MEOX2: variants seen among roughly 807,000 people sequenced by gnomAD.
The protein encoded by MEOX2 is homeobox protein MOX-2.
In MEOX2, 11 loss-of-function variants were observed where a neutral mutation model predicts 27.0. The observed-to-expected ratio is 0.41, with a 90% CI of 0.26 to 0.68. MEOX2 has a LOEUF of 0.68. MEOX2 is among the 30% of genes least tolerant of loss of function. MEOX2 has a pLI of 0.33. For synonymous variants in MEOX2, 189 were observed against 155.4 expected (o/e 1.22, Z -1.61); for missense variants, 436 against 385.4 (o/e 1.13, Z -1.10).
Position 15,685,501 on chromosome 7 carries a change from G to A in MEOX2, c.517+385C>T, listed in dbSNP as rs150126054. 1.0e-3 allele frequency among the ~76,000 whole-genome samples: 154 copies of A among 152,298 alleles called. 1 individual carries two copies. In the East Asian group the frequency reaches 0.021, roughly 20 times the overall value. ...CGGCAACTTGCAAGAGAAAAGTCAA[G>A]AAGCGGCACCCGCACGCACGCCTGC... On this transcript the variant is annotated intron_variant, in intron 1 of 2. Transcript: ENST00000262041.
chr7:15,640,133 T>A (rs1781537548), intron 1 of MEOX2, among the ~76,000 whole-genome samples: 2 of 152,220 alleles, frequency 1.3e-5, no homozygotes, highest in African/African-American at 4.8e-5. Context: ...TCCATTTGTT[T>A]GTATTATCTA....
intron 1 of MEOX2, among the ~76,000 whole-genome samples, chr7:15,672,351 T>C (rs193177089): frequency 1.3e-5 from 2 of 152,280 alleles, no homozygotes; most frequent in South Asian, 2.1e-4. Flanking sequence ...ATAGCATAAC[T>C]GCACAGAATG....
intron 1 of MEOX2, among the ~76,000 whole-genome samples, chr7:15,627,397 A>G (rs1003700598): frequency 6.6e-6 from 1 of 152,128 alleles, no homozygotes; most frequent in Non-Finnish European, 1.5e-5. Flanking sequence ...GACTGAGCGT[A>G]TGTAAAAGTA....
At position 15,686,394 on chromosome 7, in the gene MEOX2, G is replaced by T; in HGVS notation, c.9C>A (p.His3Gln). Residue 3 changes from histidine (H) to glutamine (Q), a missense_variant, in exon 1 of 3, where the codon CAC becomes CAA. By Grantham distance (24) the His-to-Gln change is conservative. Coordinates refer to ENST00000262041, the MANE Select transcript of MEOX2 (RefSeq NM_005924.5). ME[H>Q]PLFGCLRSPH... ...GGCTGCGCAGGCAGCCAAAGAGCGG[G>T]TGTTCCATAGCATGCAAGTTTCGGG... The T allele has an allele frequency of 6.4e-7, 1 of 1,570,344 alleles. No individual in the cohort carries two copies. Among genetic ancestry groups the T allele is most frequent in the Non-Finnish European group, 8.6e-7 (1 of 1,157,042 alleles).
intron 1 of MEOX2, among the ~76,000 whole-genome samples, chr7:15,672,427 G>A (rs1156923743): frequency 6.6e-6 from 1 of 152,104 alleles, no homozygotes; most frequent in Non-Finnish European, 1.5e-5. Context: ...TAGAAAATTA[G>A]GCTTGACAGT....
At chr7:15,617,643 A>T (rs981742573) in intron 2 of MEOX2, among the ~76,000 whole-genome samples, 1 of 152,064 alleles carries the variant, frequency 6.6e-6, no homozygotes, top group African/African-American at 2.4e-5. Flanking sequence ...TGTTGTTTCT[A>T]CCACAATTAA....
At position 15,612,489 on chromosome 7, in the gene MEOX2, C is replaced by G. The variant is rs773932247; in HGVS notation, c.813G>C (p.Glu271Asp). Residue 271 changes from glutamate (E) to aspartate (D), a missense_variant, in exon 3 of 3, where the codon GAG (glutamate) becomes GAC (aspartate). Glu to Asp is a conservative substitution (Grantham distance 45, BLOSUM62 2). Coordinates refer to ENST00000262041, the MANE Select transcript of MEOX2 (RefSeq NM_005924.5). ...GGGTGGCTGCACCAATTCCCGACAG[C>G]TCTGATGGGAGAAGTGTTCCCTTTT... ...NVKKGTLLPS[E>D]LSGIGAATLQ... 6 of 1,614,028 alleles carry G rather than the reference C, an allele frequency of 3.7e-6. No individual in the cohort carries two copies. The highest frequency in any genetic ancestry group is 8.5e-7 in the Non-Finnish European group (1 of 1,180,016).
chr7:15,622,572 A>G (rs940540987), intron 2 of MEOX2, among the ~76,000 whole-genome samples: 9 of 152,194 alleles, frequency 5.9e-5, no homozygotes, highest in African/African-American at 2.2e-4. Flanking sequence ...TGAAAAAAAT[A>G]AGTCTTAAAG....
In MEOX2 at chr7:15,611,375, T is replaced by C. The variant is rs755444560; in HGVS notation, c.*1012A>G. The C allele has an allele frequency of 6.6e-6, 1 of 152,572 alleles. No individual in the cohort carries two copies. Among genetic ancestry groups the C allele is most frequent in the African/African-American group, 2.4e-5 (1 of 41,464 alleles). 9.5% of individuals were successfully genotyped at this position (152,572 alleles called of 1,614,324 possible). A position where few individuals can be genotyped will look rare whatever the true frequency, so the allele number is the denominator to read the frequency against. On this transcript the variant is annotated 3_prime_UTR_variant, in exon 3 of 3. Coordinates refer to ENST00000262041, the MANE Select transcript of MEOX2 (RefSeq NM_005924.5). ...TATCAACTTGAGCAACCAGTTTCGC[T>C]TTGCACCTTGTCTAACACTGTTGTC...
intron 1 of MEOX2, among the ~76,000 whole-genome samples, chr7:15,669,951 T>C (rs1345242004): frequency 6.6e-6 from 1 of 152,182 alleles, no homozygotes; most frequent in Non-Finnish European, 1.5e-5. Context: ...TCCTGGCGTG[T>C]TCCCCATCCT....
intron 2 of MEOX2, among the ~76,000 whole-genome samples, chr7:15,623,426 G>A (rs1312976215): frequency 3.3e-5 from 5 of 152,292 alleles, no homozygotes; most frequent in Non-Finnish European, 2.9e-5. Flanking sequence ...CAGGAGTGCA[G>A]TGGTGCAAAC....
At chr7:15,639,065 A>G (rs938936228) in intron 1 of MEOX2, among the ~76,000 whole-genome samples, 4 of 152,118 alleles carry the variant, frequency 2.6e-5, no homozygotes, top group Admixed American at 1.3e-4. Flanking sequence ...ACTGTTTTCT[A>G]TAGGATATAA....
At chr7:15,657,158 G>A (rs547206827) in intron 1 of MEOX2, among the ~76,000 whole-genome samples, 10 of 152,080 alleles carry the variant, frequency 6.6e-5, no homozygotes, top group African/African-American at 2.4e-4. Flanking sequence ...ACTGTGATGC[G>A]TTTAGTGTAA....
At chr7:15,676,147 T>G (rs1782188443) in intron 1 of MEOX2, 1 of 152,204 alleles carries the variant, frequency 6.6e-6, no homozygotes, top group Admixed American at 6.5e-5. Flanking sequence ...CACCCAGGAC[T>G]TGCAATTCCA....
chr7:15,645,795 G>C (rs1244303045), intron 1 of MEOX2, among the ~76,000 whole-genome samples: 1 of 152,246 alleles, frequency 6.6e-6, no homozygotes, highest in East Asian at 1.9e-4. Flanking sequence ...ATAGTAAACA[G>C]AAGGGAAATG....
At chr7:15,654,671 T>C (rs929684663) in intron 1 of MEOX2, among the ~76,000 whole-genome samples, 7 of 152,006 alleles carry the variant, frequency 4.6e-5, no homozygotes, top group Admixed American at 3.3e-4. Context: ...GAGAATATTT[T>C]TGCTTTTAAT....
rs533373919 is a variant in MEOX2, at chr7:15,686,648, G to A, written c.-246C>T. ...TCAGATGTCAAGAGTGGGAGAGGTT[G>A]AAGCCAAAAGAAGGTGGTCCCAGAG... On this transcript the variant is annotated 5_prime_UTR_variant, in exon 1 of 3. Transcript: ENST00000262041. 9 of 518,344 alleles carry A rather than the reference G, an allele frequency of 1.7e-5. No homozygotes were observed. In the South Asian group the frequency reaches 2.9e-4, roughly 17 times the overall value. 32.1% of individuals were successfully genotyped at this position (518,344 alleles called of 1,614,324 possible).
chr7:15,685,766 G>A (rs1181872444), intron 1 of MEOX2, 120 bp downstream of exon 1: 1 of 1,379,606 alleles, frequency 7.2e-7, no homozygotes, highest in Non-Finnish European at 9.8e-7. Context: ...GGAAGCCACA[G>A]AGGGCAACAC....
intron 1 of MEOX2, among the ~76,000 whole-genome samples, chr7:15,653,381 C>T (rs998974030): frequency 3.3e-5 from 5 of 151,658 alleles, no homozygotes; most frequent in African/African-American, 1.2e-4. Flanking sequence ...GATGTTCGTC[C>T]TTTATCAGAT....
Sources: allele counts gnomAD v4.1 joint callset (sites outside exome capture counted in the v4.1 genomes callset), GRCh38; gene constraint gnomAD v4.1.1; transcripts MANE v1.5; gene names NCBI Gene and HGNC (gene_info 2026-07-23, HGNC 2026-07-21).